Variants in DEPDC1B observed in about 807,000 individuals in gnomAD.
The protein encoded by DEPDC1B is DEP domain containing 1B, also known as DEP domain-containing protein 1B.
DEPDC1B carries 51 observed loss-of-function variants against 66.5 expected under a neutral mutation model. That is an observed-to-expected ratio of 0.77 (90% CI 0.61 to 0.97). The LOEUF (loss-of-function observed/expected upper bound fraction) is 0.97. Ranked by LOEUF, DEPDC1B falls within the 50% of genes least tolerant of loss-of-function variation. DEPDC1B has a pLI of 0.00. For synonymous variants in DEPDC1B, 226 were observed against 223.6 expected, an observed-to-expected ratio of 1.01 and a Z score of -0.10; for missense variants, 552 against 637.1, an observed-to-expected ratio of 0.87 and a Z score of 1.44.
chr5:60,693,065 T>C (rs1165892680), intron 1 of DEPDC1B, among the ~76,000 whole-genome samples: 1 of 152,140 alleles, frequency 6.6e-6, no homozygotes, highest in Non-Finnish European at 1.5e-5. Flanking sequence ...GTTGGTTACA[T>C]GGGATGCTCA....
intron 2 of DEPDC1B, among the ~76,000 whole-genome samples, chr5:60,677,324 ACACTCTCTCTCTCTCTCTCT>A: frequency 2.5e-5 from 2 of 78,834 alleles, no homozygotes; most frequent in African/African-American, 1.3e-4. Context: ...ACACACACAC[ACACTCTCTCTCTCTCTCTCT>A]CTCTCTCTCT....
At chr5:60,616,449 G>A (rs1347040873) in intron 7 of DEPDC1B, among the ~76,000 whole-genome samples, 4 of 152,212 alleles carry the variant, frequency 2.6e-5, no homozygotes, top group South Asian at 2.1e-4. Flanking sequence ...GTCCTTAAAG[G>A]ACCAGATGAA....
At chr5:60,622,748 C>G (rs571608094) in intron 7 of DEPDC1B, among the ~76,000 whole-genome samples, 1 of 152,280 alleles carries the variant, frequency 6.6e-6, no homozygotes, top group African/African-American at 2.4e-5. Context: ...GGTAGTATCT[C>G]ATTGTGGTTT....
intron 8 of DEPDC1B, 62 bp downstream of exon 8, chr5:60,605,628 T>C (rs1021247842): frequency 1.8e-5 from 28 of 1,554,418 alleles, no homozygotes; most frequent in Non-Finnish European, 2.4e-5. Flanking sequence ...CCCAAACTAA[T>C]ACACCTTACT....
chr5:60,673,316 A>G (rs938546912), intron 2 of DEPDC1B, among the ~76,000 whole-genome samples: 5 of 152,352 alleles, frequency 3.3e-5, no homozygotes, highest in African/African-American at 1.2e-4. Flanking sequence ...CTTTCTAACT[A>G]AACTATAGAT....
At position 60,667,887 on chromosome 5, in the gene DEPDC1B, G is replaced by GGATATTTTATATATATA. The variant is rs1753904998; in HGVS notation, c.314+19074_314+19075insTATATATATAAAATATC. Among the ~76,000 whole-genome samples, 4 of 42,998 alleles carry GGATATTTTATATATATA rather than the reference G, an allele frequency of 9.3e-5. 1 individual carries two copies. Among genetic ancestry groups the GGATATTTTATATATATA allele is most frequent in the Non-Finnish European group, 2.0e-4 (4 of 20,102 alleles). The allele number at this position is 42,998 out of a possible 152,430, so 28.2% of individuals were successfully genotyped here. On this transcript the variant is annotated intron_variant, in intron 2 of 10. Coordinates refer to ENST00000265036, the MANE Select transcript of DEPDC1B (RefSeq NM_018369.3). ...TAAAAAATGGATATTTTACATATATGTAAAAAATGGATATTTTATATATAT... is the reference window on the plus strand; with the variant it reads ...TAAAAAATGGATATTTTACATATATGGATATTTTATATATATATAAAAAATGGATATTTTATATATAT...
intron 2 of DEPDC1B, 72 bp downstream of exon 2, chr5:60,686,890 C>A: frequency 1.3e-6 from 2 of 1,567,378 alleles, no homozygotes; most frequent in South Asian, 1.2e-5. Context: ...CATCAGGAAG[C>A]TTCAACAGAC....
intron 2 of DEPDC1B, among the ~76,000 whole-genome samples, chr5:60,676,940 C>G (rs1754175417): frequency 6.6e-6 from 1 of 152,108 alleles, no homozygotes; most frequent in South Asian, 2.1e-4. Flanking sequence ...TAAAGACTTT[C>G]CGGTTCATAA....
intron 6 of DEPDC1B, among the ~76,000 whole-genome samples, chr5:60,641,876 G>A (rs1164244976): frequency 6.6e-6 from 1 of 152,100 alleles, no homozygotes; most frequent in Non-Finnish European, 1.5e-5. Flanking sequence ...AGAACCTTGG[G>A]CTTCACACAA....
intron 7 of DEPDC1B, 114 bp downstream of exon 7, chr5:60,638,636 A>G (rs1753114732): frequency 1.9e-6 from 2 of 1,073,862 alleles, no homozygotes; most frequent in Middle Eastern, 3.2e-4. Flanking sequence ...ATACTCTATC[A>G]GTTTTTATTT....
chr5:60,624,272 C>T (rs573334565), intron 7 of DEPDC1B, among the ~76,000 whole-genome samples: 4 of 152,224 alleles, frequency 2.6e-5, no homozygotes, highest in African/African-American at 9.6e-5. Context: ...TTTCCTTCAT[C>T]CTATCGATAT....
At chr5:60,671,069 T>C (rs1754023752) in intron 2 of DEPDC1B, among the ~76,000 whole-genome samples, 1 of 152,076 alleles carries the variant, frequency 6.6e-6, no homozygotes, top group Non-Finnish European at 1.5e-5. Flanking sequence ...GCTCAAAAAG[T>C]GCATGATTAC....
chr5:60,616,029 C>G (rs1006890911), intron 7 of DEPDC1B, among the ~76,000 whole-genome samples: 8 of 152,328 alleles, frequency 5.3e-5, no homozygotes, highest in African/African-American at 1.9e-4. Context: ...CCCAGGCAAA[C>G]AGGGTCTGGA....
chr5:60,699,009 C>T (rs897378245), intron 1 of DEPDC1B, among the ~76,000 whole-genome samples: 18 of 152,210 alleles, frequency 1.2e-4, no homozygotes, highest in African/African-American at 4.3e-4. Flanking sequence ...GATCTATGAG[C>T]CAAATTTAAA....
Position 60,599,105 on chromosome 5 carries a change from G to T in DEPDC1B, c.1398C>A (p.Ser466=). The T allele has an allele frequency of 6.2e-7, 1 of 1,602,378 alleles. No homozygotes were observed. The highest frequency in any genetic ancestry group is 8.5e-7 in the Non-Finnish European group (1 of 1,176,080). The change falls in exon 10 of 11, where the codon TCC becomes TCA. Residue 466 remains serine, a synonymous_variant. Transcript: ENST00000265036. ...LEEVITDAKL[S]NKEKKKKLKQ... The stretch of plus-strand genomic sequence containing the variant: ...TCAGTTTCTTCTTTTTCTCTTTGTT[G>T]GAGAGTTTGGCATCTGTTATGACTT...
chr5:60,616,132 C>T (rs1373770446), intron 7 of DEPDC1B, among the ~76,000 whole-genome samples: 3 of 152,146 alleles, frequency 2.0e-5, no homozygotes, highest in Non-Finnish European at 4.4e-5. Context: ...CACACCAAAA[C>T]CCCATCTGTA....
intron 1 of DEPDC1B, among the ~76,000 whole-genome samples, chr5:60,695,765 CT>C (rs1455912482): frequency 2.6e-5 from 4 of 152,156 alleles, no homozygotes; most frequent in Non-Finnish European, 4.4e-5. Flanking sequence ...GACAAGGCCC[CT>C]GTCTTCTTTG....
At chr5:60,660,032 G>C (rs1400007076) in intron 2 of DEPDC1B, among the ~76,000 whole-genome samples, 2 of 152,152 alleles carry the variant, frequency 1.3e-5, no homozygotes, top group Non-Finnish European at 2.9e-5. Context: ...AATAGATCAG[G>C]ATGAAAATGA....
At chr5:60,660,691 A>C (rs1034739542) in intron 2 of DEPDC1B, among the ~76,000 whole-genome samples, 3 of 152,220 alleles carry the variant, frequency 2.0e-5, no homozygotes, top group African/African-American at 7.2e-5. Context: ...AAAAAGCAAA[A>C]AGGTAGCTTA....
Sources: gnomAD v4.1 joint callset for allele counts (sites outside exome capture counted in the v4.1 genomes callset) on GRCh38, gnomAD v4.1.1 for gene constraint, MANE v1.5 for transcripts, NCBI Gene and HGNC (gene_info 2026-07-23, HGNC 2026-07-21) for gene names.